The following TFEB variants were observed in gnomAD, a reference collection of about 807,000 sequenced individuals.
TFEB encodes transcription factor EB, also known as T-cell transcription factor EB.
In TFEB, 12 loss-of-function variants were observed where a neutral mutation model predicts 48.0. The observed-to-expected ratio is 0.25, with a 90% CI of 0.16 to 0.40. The LOEUF (loss-of-function observed/expected upper bound fraction) is 0.40. Ranked by LOEUF, TFEB falls within the 10% of genes least tolerant of loss-of-function variation. The pLI, the probability that TFEB is intolerant of heterozygous loss-of-function variation, is 1.00. For missense variants in TFEB, 509 were observed against 640.3 expected (o/e 0.79, Z 2.21); for synonymous variants, 244 against 261.4 (o/e 0.93, Z 0.64).
rs111537451 is a variant in TFEB at position 41,732,698 on chromosome 6, T to G, written c.-23+2652A>C. 1.1e-3 allele frequency: 1,110 copies of G among 984,774 alleles called. 9 individuals carry two copies. In the African/African-American group the frequency reaches 0.016, roughly 14 times the overall value. The allele number at this position is 984,774 out of a possible 1,614,324, so 61.0% of individuals were successfully genotyped here. ...TTAGTCCTCACAACAGCCTGTGAGG[T>G]GGGTGTGTTTTCATCTCCCTCCTCT... On this transcript the variant is annotated intron_variant, in intron 1 of 8. Coordinates refer to ENST00000373033, the MANE Select transcript of TFEB (RefSeq NM_001271944.2).
In TFEB at chr6:41,734,801, G is replaced by A; in HGVS notation, c.-23+549C>T. On this transcript the variant is annotated intron_variant, in intron 1 of 8. Coordinates refer to ENST00000373033, the MANE Select transcript of TFEB (RefSeq NM_001271944.2). The surrounding 1 kb of genome is among the most constrained non-coding windows in gnomAD (Gnocchi z 4.0). ...GGAGGGAGAGATGGTACTTCCACCC[G>A]CCCCCCCATCAGCCCAGCCCCCGGG... 1.4e-6 allele frequency: 1 copy of A among 703,322 alleles called. No individual in the cohort carries two copies. The highest frequency in any genetic ancestry group is 1.7e-6 in the Non-Finnish European group (1 of 572,682). 43.6% of individuals were successfully genotyped at this position (703,322 alleles called of 1,614,324 possible). A position where few individuals can be genotyped will look rare whatever the true frequency, so the allele number is the denominator to read the frequency against.
intron 1 of TFEB, chr6:41,733,901 C>G (rs574651394): frequency 1.0e-6 from 1 of 985,720 alleles, no homozygotes; most frequent in Non-Finnish European, 1.2e-6. Context: ...TCATCCCCAG[C>G]TGCCCAACAG....
chr6:41,686,836 A>G (rs1183513199), intron 7 of TFEB: 6 of 535,990 alleles, frequency 1.1e-5, no homozygotes, highest in Non-Finnish European at 2.0e-5. Flanking sequence ...TGGCCTTAAG[A>G]AAACTTTCTC....
chr6:41,695,544 A>G (rs1295519448), intron 1 of TFEB, among the ~76,000 whole-genome samples: 1 of 152,106 alleles, frequency 6.6e-6, no homozygotes, highest in East Asian at 1.9e-4. Context: ...CAGAGAGGTG[A>G]AGGAACTCAC....
rs200747432 is a variant in TFEB at position 41,684,661 on chromosome 6, C to T, written c.1369G>A (p.Glu457Lys). ...SDPLLSTMSP[E>K]ASKASSRRSS... is the part of the protein sequence containing the mutation. ...CGGCGGCTGCTGGCCTTGGAGGCCT[C>T]GGGGGACATGGTGGACAGAAGTGGA... is the stretch of plus-strand genomic sequence containing the variant. Residue 457 changes from glutamate (E) to lysine (K), a missense_variant, in exon 9 of 9, where the codon GAG (glutamate) becomes AAG (lysine). By Grantham distance (56) the Glu-to-Lys change is moderately conservative. Coordinates refer to ENST00000373033, the MANE Select transcript of TFEB (RefSeq NM_001271944.2). The T allele has an allele frequency of 6.3e-5, 102 of 1,612,400 alleles. 1 individual carries two copies. Among genetic ancestry groups the T allele is most frequent in the Non-Finnish European group, 8.4e-5 (99 of 1,179,346 alleles).
At chr6:41,707,736 C>A (rs1435979214) in intron 1 of TFEB, among the ~76,000 whole-genome samples, 4 of 152,206 alleles carry the variant, frequency 2.6e-5, no homozygotes, top group African/African-American at 4.8e-5. Context: ...TGTGCCAGGG[C>A]AAACAGGTAT....
rs1260114576 is a variant in TFEB at position 41,734,325 on chromosome 6, G to A, written c.-23+1025C>T. 3 of 984,176 alleles carry A rather than the reference G, an allele frequency of 3.0e-6. No individual in the cohort carries two copies. Among genetic ancestry groups the A allele is most frequent in the African/African-American group, 1.8e-5 (1 of 57,132 alleles). The allele number at this position is 984,176 out of a possible 1,614,324, so 61.0% of individuals were successfully genotyped here. A position where few individuals can be genotyped will look rare whatever the true frequency, so the allele number is the denominator to read the frequency against. ...CTCCCTTCCTCACCCGGGGCGCGGG[G>A]CTGGGGCGCGCCAGGCGGCTGCGGC... On this transcript the variant is annotated intron_variant, in intron 1 of 8. Transcript: ENST00000373033. This position sits in a 1 kb window ranked among gnomAD's most constrained non-coding sequence, Gnocchi z 4.0.
At chr6:41,690,141 T>C (rs1769220126) in intron 3 of TFEB, among the ~76,000 whole-genome samples, 1 of 151,858 alleles carries the variant, frequency 6.6e-6, no homozygotes, top group South Asian at 2.1e-4. Flanking sequence ...TTTTCTTTTT[T>C]TTTTTTCGAG....
At chr6:41,732,648 C>T (rs1288905100) in intron 1 of TFEB, 1 of 985,800 alleles carries the variant, frequency 1.0e-6, no homozygotes, top group Non-Finnish European at 1.2e-6. Flanking sequence ...CATGTACTCA[C>T]CATGTACCAG....
At chr6:41,715,034 A>G (rs1387164468) in intron 1 of TFEB, among the ~76,000 whole-genome samples, 2 of 152,108 alleles carry the variant, frequency 1.3e-5, no homozygotes, top group Non-Finnish European at 2.9e-5. Flanking sequence ...CGCTCCATGG[A>G]GCACCAGGAG....
intron 1 of TFEB, among the ~76,000 whole-genome samples, chr6:41,710,209 T>A (rs1770418090): frequency 6.6e-6 from 1 of 152,240 alleles, no homozygotes; most frequent in Non-Finnish European, 1.5e-5. Flanking sequence ...GCAGAGTCAT[T>A]CCCTGAAGGA....
chr6:41,713,405 C>T (rs1295284395), intron 1 of TFEB, among the ~76,000 whole-genome samples: 1 of 152,154 alleles, frequency 6.6e-6, no homozygotes, highest in South Asian at 2.1e-4. Context: ...CAGCCCAGGC[C>T]TCACTGGGCC....
rs1771608684 is a variant in TFEB at position 41,734,862 on chromosome 6, T to A, written c.-23+488A>T. The A allele has an allele frequency of 1.0e-6, 1 of 968,410 alleles. No individual in the cohort carries two copies. Among genetic ancestry groups the A allele is most frequent in the Non-Finnish European group, 1.2e-6 (1 of 819,132 alleles). The allele number at this position is 968,410 out of a possible 1,614,324, so 60.0% of individuals were successfully genotyped here. On this transcript the variant is annotated intron_variant, in intron 1 of 8. Transcript: ENST00000373033. This position sits in a 1 kb window ranked among gnomAD's most constrained non-coding sequence, Gnocchi z 4.0. Reference sequence around the variant, plus strand: ...GCTCTGGCCCTCCCACTCCCCCCGCTGGCCTGGCCAGACTCAGCCCCCGCA... The same window carrying A: ...GCTCTGGCCCTCCCACTCCCCCCGCAGGCCTGGCCAGACTCAGCCCCCGCA...
At chr6:41,690,575 C>T in intron 3 of TFEB, 88 bp downstream of exon 3, 1 of 1,398,540 alleles carries the variant, frequency 7.2e-7, no homozygotes, top group Non-Finnish European at 9.3e-7. Flanking sequence ...GGCACCCCTG[C>T]CTCTGCCATT....
At chr6:41,705,665 C>CTGGA (rs996346461) in intron 1 of TFEB, 4 of 152,908 alleles carry the variant, frequency 2.6e-5, no homozygotes, top group Non-Finnish European at 5.8e-5. Context: ...CCACCGCAGG[C>CTGGA]TGGACCTCTT....
chr6:41,702,558 C>T (rs543381628), intron 1 of TFEB, among the ~76,000 whole-genome samples: 4 of 152,104 alleles, frequency 2.6e-5, no homozygotes, highest in South Asian at 2.1e-4. Flanking sequence ...CCCACCCCAG[C>T]GAACCTGCTC....
chr6:41,686,495 C>A, intron 7 of TFEB: 1 of 354,060 alleles, frequency 2.8e-6, no homozygotes, highest in Non-Finnish European at 5.1e-6. Flanking sequence ...AGACTCCAGC[C>A]CAGCCTACCT....
At chr6:41,736,151 T>G (rs148527011), upstream of TFEB, 2,924 of 1,610,438 alleles carry the variant, frequency 1.8e-3, 9 homozygotes, top group Middle Eastern at 7.1e-3. Context: ...CTCACCAGCC[T>G]GAGCTTGCTG....
chr6:41,724,261 G>C lies in TFEB; in HGVS notation c.-23+11089C>G, dbSNP rs1349028388. ...TTTCACTTAGTGCTTCTTTCTGGTG[G>C]CCAAGGGATTCCCATCGTTGATAAG... On this transcript the variant is annotated intron_variant, in intron 1 of 8. Transcript: ENST00000373033. This position sits in a 1 kb window ranked among gnomAD's most constrained non-coding sequence, Gnocchi z 4.4. 6.6e-6 allele frequency among the ~76,000 whole-genome samples: 1 copy of C among 152,200 alleles called. No homozygotes were observed. Among genetic ancestry groups the C allele is most frequent in the African/African-American group, 2.4e-5 (1 of 41,450 alleles).
Sources: allele counts gnomAD v4.1 joint callset (sites outside exome capture counted in the v4.1 genomes callset), GRCh38; gene constraint gnomAD v4.1.1; non-coding constraint Gnocchi (gnomAD v3.1); transcripts MANE v1.5; gene names NCBI Gene and HGNC (gene_info 2026-07-23, HGNC 2026-07-21).